TAOK1: variants seen among roughly 807,000 people sequenced by gnomAD.
TAOK1 encodes the protein TAO kinase 1.
A neutral mutation model predicts 138.3 loss-of-function variants in TAOK1; 21 were observed. The observed-to-expected ratio is 0.15, with a 90% confidence interval of 0.11 to 0.22. TAOK1 has a LOEUF of 0.22. Among genes scored for constraint, TAOK1 ranks in the 10% least tolerant of loss-of-function variants. The pLI is 1.00. For synonymous variants in TAOK1, 361 were observed against 398.4 expected (o/e 0.91, Z 1.12); for missense variants, 651 against 1,227.7 (o/e 0.53, Z 7.02).
At chr17:29,469,784 G>T (rs535901769) in intron 3 of TAOK1, among the ~76,000 whole-genome samples, 1 of 152,108 alleles carries the variant, frequency 6.6e-6, no homozygotes, top group Non-Finnish European at 1.5e-5. Context: ...TAATGTTGGC[G>T]TCCTTCATGA....
intron 1 of TAOK1, among the ~76,000 whole-genome samples, chr17:29,398,731 C>T (rs922093051): frequency 6.6e-6 from 1 of 152,054 alleles, no homozygotes; most frequent in Non-Finnish European, 1.5e-5. Flanking sequence ...AGGGTTTCAC[C>T]ATGTTGGCCA....
At chr17:29,472,251 T>C (rs1304876136) in intron 3 of TAOK1, among the ~76,000 whole-genome samples, 3 of 105,222 alleles carry the variant, frequency 2.9e-5, no homozygotes, top group African/African-American at 1.1e-4. Flanking sequence ...CTATAGCCGT[T>C]GTGTGTTTTT....
chr17:29,439,584 C>G (rs1906148514), intron 1 of TAOK1, among the ~76,000 whole-genome samples: 1 of 152,094 alleles, frequency 6.6e-6, no homozygotes, highest in African/African-American at 2.4e-5. Context: ...GTTGTCTTGT[C>G]TCTAGTCTCC....
chr17:29,427,851 C>T (rs752342632), intron 1 of TAOK1, among the ~76,000 whole-genome samples: 7 of 149,894 alleles, frequency 4.7e-5, no homozygotes, highest in East Asian at 2.0e-4. Context: ...TGTTTGAATC[C>T]GGGGGCGGAG....
intron 3 of TAOK1, among the ~76,000 whole-genome samples, chr17:29,472,598 A>G (rs1048103973): frequency 3.7e-4 from 33 of 88,114 alleles, no homozygotes; most frequent in East Asian, 6.7e-4. Flanking sequence ...TTTGAGATGG[A>G]GTTTCGCTCT....
At chr17:29,391,838 G>A (rs938501579) in intron 1 of TAOK1, among the ~76,000 whole-genome samples, 1 of 152,110 alleles carries the variant, frequency 6.6e-6, no homozygotes, top group Non-Finnish European at 1.5e-5. Flanking sequence ...TGAGCAGGTT[G>A]GATTTTAGTT....
intron 19 of TAOK1, among the ~76,000 whole-genome samples, chr17:29,540,659 C>T (rs2032300297): frequency 6.6e-6 from 1 of 152,178 alleles, no homozygotes; most frequent in Non-Finnish European, 1.5e-5. Flanking sequence ...CAACCTCCGC[C>T]TCCTAGGTTC....
At position 29,467,180 on chromosome 17, in the gene TAOK1, C is replaced by T; in HGVS notation, c.168C>T (p.Ile56=). ...TGCGTACCAATGAAGTGGTGGCCAT[C>T]AAGAAAATGTCTTATAGTGGAAAGC... ...RDVRTNEVVA[I]KKMSYSGKQS... Residue 56 remains isoleucine (I), a synonymous_variant, in exon 3 of 20, where the codon ATC becomes ATT. Transcript: ENST00000261716. The T allele has an allele frequency of 6.2e-7, 1 of 1,605,188 alleles. No homozygotes were observed. Among genetic ancestry groups the T allele is most frequent in the African/African-American group, 1.3e-5 (1 of 74,916 alleles).
intron 12 of TAOK1, among the ~76,000 whole-genome samples, chr17:29,502,285 C>A (rs1320985900): frequency 6.6e-6 from 1 of 152,300 alleles, no homozygotes; most frequent in East Asian, 1.9e-4. Flanking sequence ...ATAAAATTAG[C>A]CTGGCCTGAT....
chr17:29,480,394 T>G lies in TAOK1; in HGVS notation c.476T>G (p.Leu159Arg), dbSNP rs977235145. ...GATATCAAAGCAGGAAATATCCTTC[T>G]GACAGAACCAGGCCAGGTGAAACTT... ...HRDIKAGNIL[L>R]TEPGQVKLAD... The change falls in exon 7 of 20, where the codon CTG (leucine) becomes CGG (arginine). Residue 159 changes from leucine (L) to arginine (R), a missense_variant. Physicochemically the swap from Leu to Arg is moderately radical, Grantham distance 102. This residue lies in a region of TAOK1 where 116 missense variants were observed against 213.9 expected (regional missense o/e 0.54). Transcript: ENST00000261716. The G allele has an allele frequency of 6.2e-7, 1 of 1,612,920 alleles. No individual in the cohort carries two copies. Among genetic ancestry groups the G allele is most frequent in the African/African-American group, 1.3e-5 (1 of 74,912 alleles).
chr17:29,505,171 C>T (rs907939943), intron 13 of TAOK1, among the ~76,000 whole-genome samples: 1 of 152,094 alleles, frequency 6.6e-6, no homozygotes, highest in Admixed American at 6.6e-5. Context: ...ATAAGCATAG[C>T]TATATTATTC....
chr17:29,397,684 C>CATGTATTATACATGTATAT (rs1555555367), intron 1 of TAOK1, among the ~76,000 whole-genome samples: 1 of 128,114 alleles, frequency 7.8e-6, no homozygotes, highest in African/African-American at 3.1e-5. Flanking sequence ...TACATGTATA[C>CATGTATTATACATGTATAT]ATGTATATTC....
chr17:29,492,805 A>C (rs1054161508), intron 10 of TAOK1, among the ~76,000 whole-genome samples: 4 of 152,026 alleles, frequency 2.6e-5, no homozygotes, highest in Middle Eastern at 3.4e-3. Context: ...AAAAATAAAA[A>C]ATAAATAAAT....
At chr17:29,507,539 T>C (rs998527338) in intron 13 of TAOK1, among the ~76,000 whole-genome samples, 1 of 152,192 alleles carries the variant, frequency 6.6e-6, no homozygotes, top group East Asian at 1.9e-4. Context: ...ACTTTCTTGG[T>C]AGAAAAATCA....
chr17:29,517,793 A>G (rs2031844301), intron 16 of TAOK1, 137 bp downstream of exon 16: 1 of 800,598 alleles, frequency 1.2e-6, no homozygotes. Context: ...AGATATTCAC[A>G]TGGATTGTTT....
At chr17:29,467,527 C>G (rs577761037) in intron 3 of TAOK1, among the ~76,000 whole-genome samples, 1 of 152,288 alleles carries the variant, frequency 6.6e-6, no homozygotes, top group East Asian at 1.9e-4. Context: ...CCGCCTTGGC[C>G]TCCCAAAGTG....
chr17:29,419,907 T>C (rs924348013), intron 1 of TAOK1, among the ~76,000 whole-genome samples: 1 of 152,100 alleles, frequency 6.6e-6, no homozygotes, highest in Non-Finnish European at 1.5e-5. Context: ...TGAGACAGGG[T>C]CTCACTCTGT....
chr17:29,517,148 G>C (rs899804577), intron 15 of TAOK1, among the ~76,000 whole-genome samples: 3 of 151,940 alleles, frequency 2.0e-5, no homozygotes, highest in African/African-American at 7.3e-5. Flanking sequence ...CACCATGCCC[G>C]GCTAATTTTT....
intron 16 of TAOK1, 117 bp from the exon 17 acceptor site, chr17:29,522,163 C>T (rs1421413911): frequency 1.2e-5 from 16 of 1,327,676 alleles, no homozygotes; most frequent in African/African-American, 1.5e-5. Context: ...TACTATGCAA[C>T]TATAATTGAA....
Sources: allele counts gnomAD v4.1 joint callset (sites outside exome capture counted in the v4.1 genomes callset), GRCh38; gene constraint gnomAD v4.1.1; regional missense constraint gnomAD v4.1.1; transcripts MANE v1.5; gene names NCBI Gene and HGNC (gene_info 2026-07-23, HGNC 2026-07-21).